The following GAP43 variants were observed in gnomAD, a reference collection of about 807,000 sequenced individuals.
GAP43 encodes neuromodulin.
GAP43 carries 6 observed loss-of-function variants against 18.6 expected under a neutral mutation model. That is an observed-to-expected ratio of 0.32 (90% confidence interval 0.18 to 0.64). The LOEUF (loss-of-function observed/expected upper bound fraction) is 0.64, where lower values mean the gene tolerates loss of function less well. Ranked by LOEUF, GAP43 falls within the 30% of genes least tolerant of loss-of-function variation. The probability of loss-of-function intolerance (pLI) is 0.78; values close to 1 mark genes in which losing one functional copy is unlikely to be tolerated. For missense variants in GAP43, 292 were observed against 295.5 expected (o/e 0.99, Z 0.09); for synonymous variants, 115 against 111.4 (o/e 1.03, Z -0.20).
chr3:115,630,047 C>A (rs1390269604), intron 1 of GAP43, among the ~76,000 whole-genome samples: 1 of 152,160 alleles, frequency 6.6e-6, no homozygotes, highest in African/African-American at 2.4e-5. Context: ...CCTCGTCCAA[C>A]AACCAACATT....
chr3:115,716,181 A>G (rs1284760068), intron 2 of GAP43, among the ~76,000 whole-genome samples: 1 of 152,252 alleles, frequency 6.6e-6, no homozygotes, highest in Non-Finnish European at 1.5e-5. Context: ...GAAAATGTAG[A>G]TATAAACTAA....
intron 1 of GAP43, among the ~76,000 whole-genome samples, chr3:115,631,782 G>A (rs1708262502): frequency 6.6e-6 from 1 of 152,078 alleles, no homozygotes; most frequent in Admixed American, 6.5e-5. Context: ...CACCACGCCT[G>A]GCTCACTTTT....
chr3:115,669,581 T>A (rs1708784529), intron 1 of GAP43, among the ~76,000 whole-genome samples: 1 of 152,214 alleles, frequency 6.6e-6, no homozygotes, highest in Non-Finnish European at 1.5e-5. Context: ...CTTCTATGTC[T>A]TTGTGGGACA....
intron 1 of GAP43, among the ~76,000 whole-genome samples, chr3:115,626,248 G>T (rs1708186451): frequency 6.6e-6 from 1 of 152,130 alleles, no homozygotes; most frequent in African/African-American, 2.4e-5. Context: ...TAAAACAAGG[G>T]CAAAAACCTG....
chr3:115,666,709 G>C (rs1465298189), intron 1 of GAP43, among the ~76,000 whole-genome samples: 1 of 152,160 alleles, frequency 6.6e-6, no homozygotes, highest in Non-Finnish European at 1.5e-5. Context: ...GTAACTGGCA[G>C]AGCTGGAATT....
chr3:115,667,082 G>A (rs1281568576), intron 1 of GAP43, among the ~76,000 whole-genome samples: 3 of 152,106 alleles, frequency 2.0e-5, no homozygotes, highest in African/African-American at 7.2e-5. Flanking sequence ...CACTCTCTGA[G>A]CACCAACACA....
rs1348942277 is a variant in GAP43, at chr3:115,676,273, G to A, written c.291G>A (p.Lys97=). The A allele has an allele frequency of 6.2e-7, 1 of 1,614,134 alleles. No individual in the cohort carries two copies. Among genetic ancestry groups the A allele is most frequent in the Non-Finnish European group, 8.5e-7 (1 of 1,180,026 alleles). Residue 97 remains lysine (K), a synonymous_variant, in exon 2 of 3, where the codon AAG becomes AAA. Coordinates refer to ENST00000305124, the MANE Select transcript of GAP43 (RefSeq NM_002045.4). ...TAEAAPATGS[K]PDEPGKAGET... is the part of the protein sequence containing the mutation. ...AAGCAGCCCCAGCCACTGGCTCCAA[G>A]CCTGATGAGCCCGGCAAAGCAGGAG...
chr3:115,663,459 C>G (rs1428971316), intron 1 of GAP43: 9 of 1,012,192 alleles, frequency 8.9e-6, no homozygotes, highest in Non-Finnish European at 1.1e-5. Flanking sequence ...GATGCCCTCT[C>G]CCTCCCTCTT....
At chr3:115,680,079 C>CT (rs1576992214) in intron 2 of GAP43, among the ~76,000 whole-genome samples, 2 of 152,192 alleles carry the variant, frequency 1.3e-5, no homozygotes, top group Admixed American at 6.5e-5. Context: ...ATTCTGTCTC[C>CT]TTCTTTTCTA....
chr3:115,712,944 C>T (rs181473486), intron 2 of GAP43, among the ~76,000 whole-genome samples: 1 of 152,058 alleles, frequency 6.6e-6, no homozygotes, highest in East Asian at 1.9e-4. Context: ...GAAATGGGGG[C>T]AGAGATGTTA....
chr3:115,694,148 C>T (rs1246813261), intron 2 of GAP43, among the ~76,000 whole-genome samples: 2 of 152,178 alleles, frequency 1.3e-5, no homozygotes, highest in African/African-American at 4.8e-5. Context: ...GCTGTGAGAG[C>T]GTCTCTTGAA....
At chr3:115,664,294 A>T (rs1708704605) in intron 1 of GAP43, among the ~76,000 whole-genome samples, 1 of 151,320 alleles carries the variant, frequency 6.6e-6, no homozygotes, top group South Asian at 2.1e-4. Context: ...TTATTTTTTT[A>T]AGTGTGCATA....
At chr3:115,668,304 T>C (rs911768886) in intron 1 of GAP43, among the ~76,000 whole-genome samples, 6 of 152,174 alleles carry the variant, frequency 3.9e-5, no homozygotes, top group African/African-American at 1.4e-4. Flanking sequence ...CTTCCTTGAA[T>C]AACTAAGGGA....
chr3:115,683,147 G>GCGCGCGCACACA (rs1252333447), intron 2 of GAP43, among the ~76,000 whole-genome samples: 13 of 127,446 alleles, frequency 1.0e-4, no homozygotes, highest in African/African-American at 3.3e-4. Context: ...GCGCGCGCGC[G>GCGCGCGCACACA]CACACACACA....
intron 1 of GAP43, among the ~76,000 whole-genome samples, chr3:115,663,054 T>G (rs1708685623): frequency 1.3e-5 from 2 of 152,132 alleles, no homozygotes; most frequent in Non-Finnish European, 2.9e-5. Flanking sequence ...AACCACAAAG[T>G]GGGAGGTGTG....
intron 1 of GAP43, among the ~76,000 whole-genome samples, chr3:115,625,983 C>A (rs1170316188): frequency 6.6e-6 from 1 of 152,194 alleles, no homozygotes; most frequent in African/African-American, 2.4e-5. Flanking sequence ...GTGAAATGGT[C>A]ATGTCTCTTA....
chr3:115,690,482 A>G (rs931646266), intron 2 of GAP43, among the ~76,000 whole-genome samples: 10 of 151,898 alleles, frequency 6.6e-5, no homozygotes, highest in African/African-American at 2.2e-4. Context: ...CCTGGGTTCA[A>G]CCTCAGGTTC....
intron 2 of GAP43, among the ~76,000 whole-genome samples, chr3:115,718,827 G>C (rs1006210399): frequency 1.1e-4 from 16 of 152,098 alleles, no homozygotes; most frequent in African/African-American, 3.9e-4. Context: ...AGCTCTAAAA[G>C]AATGTTTTTT....
chr3:115,697,119 A>C (rs1487315264), intron 2 of GAP43, among the ~76,000 whole-genome samples: 1 of 152,062 alleles, frequency 6.6e-6, no homozygotes, highest in Admixed American at 6.6e-5. Context: ...GATTACAGGC[A>C]TGAGCCACCA....
Sources: allele counts gnomAD v4.1 joint callset (sites outside exome capture counted in the v4.1 genomes callset), GRCh38; gene constraint gnomAD v4.1.1; transcripts MANE v1.5; gene names NCBI Gene and HGNC (gene_info 2026-07-23, HGNC 2026-07-21).